Variants in USP9X observed in about 807,000 individuals in gnomAD.
USP9X encodes ubiquitin carboxyl-terminal hydrolase 9X.
Under a neutral mutation model 190.3 loss-of-function variants are expected in USP9X, and 7 were observed. The observed-to-expected ratio is 0.04, with a 90% confidence interval of 0.02 to 0.07. The LOEUF is 0.07. Among genes scored for constraint, USP9X ranks in the 10% least tolerant of loss-of-function variants. The pLI, the probability that USP9X is intolerant of heterozygous loss-of-function variation, is 1.00. For synonymous variants in USP9X, 645 were observed against 659.5 expected (o/e 0.98, Z 0.34); for missense variants, 1,010 against 1,916.9 (o/e 0.53, Z 8.83).
At chrX:41,106,371 C>T (rs1174598316) in intron 1 of USP9X, among the ~76,000 whole-genome samples, 1 of 111,053 alleles carries the variant, frequency 9.0e-6, no homozygotes, top group African/African-American at 3.3e-5. Context: ...TGTTGTGTTA[C>T]ACAATGCATT....
At chrX:41,232,277 A>C (rs1443735858) in intron 44 of USP9X, 110 bp from the exon 45 acceptor site, 2 of 847,798 alleles carry the variant, frequency 2.4e-6, no homozygotes, top group Non-Finnish European at 3.2e-6. Flanking sequence ...GTATTTACAG[A>C]GTAAGTCCCA....
rs577974270 is a variant in USP9X, at chrX:41,114,195, T to C, written c.-158-9276T>C. ...CATGTTTAGTGCAATACCATAAACC[T>C]TGAATAACATTACGGGACTCATGAA... is the stretch of plus-strand genomic sequence containing the variant. On this transcript the variant is annotated intron_variant, in intron 1 of 44. Transcript: ENST00000378308. Among the ~76,000 whole-genome samples, 4 of 112,385 alleles carry C rather than the reference T, an allele frequency of 3.6e-5. No individual in the cohort carries two copies. In the South Asian group the frequency reaches 1.5e-3, roughly 41 times the overall value.
At chrX:41,218,797 A>G (rs1422084572) in intron 37 of USP9X, among the ~76,000 whole-genome samples, 200 bp downstream of exon 37, 1 of 112,095 alleles carries the variant, frequency 8.9e-6, no homozygotes, top group Non-Finnish European at 1.9e-5. Context: ...ATGTAAGAGA[A>G]TTTTCTCTGT....
chrX:41,179,508 A>C (rs369797139), intron 21 of USP9X, among the ~76,000 whole-genome samples: 5 of 111,692 alleles, frequency 4.5e-5, no homozygotes, highest in Non-Finnish European at 9.4e-5. Context: ...TTTTGTAGCT[A>C]TTGTGAGATA....
chrX:41,127,288 TAATC>T (rs1322638257), intron 2 of USP9X, among the ~76,000 whole-genome samples: 4 of 111,641 alleles, frequency 3.6e-5, no homozygotes, highest in African/African-American at 1.3e-4. Flanking sequence ...TTAAGATTCT[TAATC>T]AAAAAATTGA....
intron 1 of USP9X, among the ~76,000 whole-genome samples, chrX:41,122,146 C>T (rs1352712891): frequency 2.7e-5 from 3 of 110,624 alleles, no homozygotes; most frequent in Non-Finnish European, 5.7e-5. Flanking sequence ...GGGATCTTAA[C>T]AGAAATTTGT....
chrX:41,162,746 G>C, intron 14 of USP9X, 44 bp from the exon 15 acceptor site: 1 of 1,060,697 alleles, frequency 9.4e-7, no homozygotes. Context: ...GCAGTGATTT[G>C]GGTTATCCAT....
rs1354057022 is a variant in USP9X at position 41,235,593 on chromosome X, C to CT, written c.*3070dup. ...AACAAGGGCTTTTGCCCTATTGTAT[C>CT]TAAGTATTTCAGTGCACAACTTGTT... On this transcript the variant is annotated 3_prime_UTR_variant, in exon 45 of 45. Transcript: ENST00000378308. The CT allele has an allele frequency of 2.7e-5, 3 of 112,712 alleles. No individual in the cohort carries two copies. The highest frequency in any genetic ancestry group is 5.6e-5 in the Non-Finnish European group (3 of 53,311). 9.3% of individuals were successfully genotyped at this position (112,712 alleles called of 1,213,427 possible). A position where few individuals can be genotyped will look rare whatever the true frequency, so the allele number is the denominator to read the frequency against.
rs2063197592 is a variant in USP9X, at chrX:41,214,792, G to C, written c.5331+83G>C. The C allele has an allele frequency of 6.1e-6, 6 of 979,531 alleles. No individual in the cohort carries two copies. In the Middle Eastern group the frequency reaches 8.3e-4, roughly 136 times the overall value. The allele number at this position is 979,531 out of a possible 1,213,427, so 80.7% of individuals were successfully genotyped here. ...TGGTTTTTTTGGTTCATCCTCACAA[G>C]TCACCCTATTTTTATTTTCTCCTAC... On this transcript the variant is annotated intron_variant, in intron 34 of 44. Coordinates refer to ENST00000378308, the MANE Select transcript of USP9X (RefSeq NM_001039591.3).
intron 32 of USP9X, 102 bp from the exon 33 acceptor site, chrX:41,210,407 T>G: frequency 1.2e-6 from 1 of 855,799 alleles, no homozygotes; most frequent in Non-Finnish European, 1.7e-6. Context: ...TTATATACTG[T>G]TGTTTGTGGT....
At position 41,186,687 on chromosome X, in the gene USP9X, CCCACTTATTTTAAT is replaced by C. The variant is rs746554219; in HGVS notation, c.3684+47_3684+60del. ...CTGTCACAATTTTAACTTTCCTAGG[CCCACTTATTTTAAT>C]CACTGTCTCATTCTATAGATAATGT... On this transcript the variant is annotated intron_variant, in intron 24 of 44. Transcript: ENST00000378308. 1.7e-5 allele frequency: 20 copies of C among 1,187,222 alleles called. No homozygotes were observed. In the South Asian group the frequency reaches 3.6e-4, roughly 22 times the overall value.
Position 41,213,153 on chromosome X carries a change from T to G in USP9X, c.5190-1415T>G, listed in dbSNP as rs7049390. On this transcript the variant is annotated intron_variant, in intron 33 of 44. Transcript: ENST00000378308. ...AACTAGTCTTATTTTTTTAACTAGC[T>G]GGGCATGGGGGTGGACTCCTGTAGT... 7.4e-3 allele frequency among the ~76,000 whole-genome samples: 825 copies of G among 111,374 alleles called. 6 individuals are homozygous for G. Among genetic ancestry groups the G allele is most frequent in the African/African-American group, 0.025 (756 of 30,632 alleles).
At chrX:41,205,518 G>A (rs978298334) in intron 32 of USP9X, 25 bp downstream of exon 32, 1 of 1,153,948 alleles carries the variant, frequency 8.7e-7, no homozygotes, top group Admixed American at 2.4e-5. Context: ...GACAGTAATA[G>A]AGATACTTCT....
chrX:41,216,447 C>A lies in USP9X; in HGVS notation c.5880C>A (p.Asp1960Glu), dbSNP rs770636921. 6 of 1,209,051 alleles carry A rather than the reference C, an allele frequency of 5.0e-6. No individual in the cohort carries two copies. Among genetic ancestry groups the A allele is most frequent in the African/African-American group, 3.5e-5 (2 of 56,811 alleles). ...ILFYERMDTIDQDDELIRYIS... is the reference protein window; with the variant it reads ...ILFYERMDTIEQDDELIRYIS... ...TTTATGAACGAATGGACACAATAGA[C>A]CAAGATGATGAGTTGATAAGATATA... Residue 1960 changes from aspartate to glutamate, a missense_variant, in exon 35 of 45, where the codon GAC (aspartate) becomes GAA (glutamate). This residue lies in a region of USP9X where 31 missense variants were observed against 27.2 expected (regional missense o/e 1.14). Transcript: ENST00000378308.
In USP9X at chrX:41,113,896, C is replaced by T. The variant is rs951183370; in HGVS notation, c.-158-9575C>T. Among the ~76,000 whole-genome samples the T allele has an allele frequency of 3.5e-5, 4 of 112,692 alleles. No homozygotes were observed. In the East Asian group the frequency reaches 1.1e-3, roughly 31 times the overall value. On this transcript the variant is annotated intron_variant, in intron 1 of 44. Coordinates refer to ENST00000378308, the MANE Select transcript of USP9X (RefSeq NM_001039591.3). ...TTAACATTTATCAAAACTTAATGCA[C>T]ACAAACGTTTTTATAGACCACATGT...
chrX:41,214,841 G>A (rs1490607520), intron 34 of USP9X, 132 bp downstream of exon 34: 4 of 665,309 alleles, frequency 6.0e-6, no homozygotes, highest in Middle Eastern at 4.3e-4. Context: ...TAGCAGAGAA[G>A]TAGTCAATAT....
intron 6 of USP9X, 56 bp from the exon 7 acceptor site, chrX:41,140,600 C>T (rs41298468): frequency 2.1e-5 from 18 of 852,479 alleles, no homozygotes; most frequent in Middle Eastern, 3.1e-4. Flanking sequence ...GCTTTTTTTT[C>T]GTGCTTTTTA....
At chrX:41,153,615 C>G in intron 14 of USP9X, among the ~76,000 whole-genome samples, 1 of 112,068 alleles carries the variant, frequency 8.9e-6, no homozygotes, top group Non-Finnish European at 1.9e-5. Flanking sequence ...GTGATTTCAA[C>G]AGATCCTGAT....
intron 14 of USP9X, among the ~76,000 whole-genome samples, chrX:41,159,949 C>A (rs779924711): frequency 9.0e-6 from 1 of 110,896 alleles, no homozygotes; most frequent in East Asian, 2.8e-4. Context: ...GATGATTATA[C>A]AACTGTACTA....
Sources: allele counts gnomAD v4.1 joint callset (sites outside exome capture counted in the v4.1 genomes callset), GRCh38; gene constraint gnomAD v4.1.1; regional missense constraint gnomAD v4.1.1; transcripts MANE v1.5; gene names NCBI Gene and HGNC (gene_info 2026-07-23, HGNC 2026-07-21).